DGKH: variants seen among roughly 807,000 people sequenced by gnomAD.
The protein encoded by DGKH is diacylglycerol kinase eta.
Under a neutral mutation model 159.3 loss-of-function variants are expected in DGKH, and 90 were observed. That is an observed-to-expected ratio of 0.57 (90% CI 0.48 to 0.67). The LOEUF (loss-of-function observed/expected upper bound fraction) is 0.67, where lower values mean the gene tolerates loss of function less well. Among genes scored for constraint, DGKH ranks in the 30% least tolerant of loss-of-function variants. The pLI, the probability that DGKH is intolerant of heterozygous loss-of-function variation, is 0.00. For missense variants in DGKH, 1,181 were observed against 1,506.1 expected (o/e 0.78, Z 3.57); for synonymous variants, 536 against 553.8 (o/e 0.97, Z 0.45).
chr13:42,059,833 G>A (rs1396872106), intron 1 of DGKH, among the ~76,000 whole-genome samples: 1 of 151,268 alleles, frequency 6.6e-6, no homozygotes, highest in Admixed American at 6.6e-5. Context: ...TTGCCAATTT[G>A]GATGCTATTG....
At chr13:42,221,186 A>C in intron 28 of DGKH, 78 bp from the exon 29 acceptor site, 1 of 1,565,554 alleles carries the variant, frequency 6.4e-7, no homozygotes, top group Non-Finnish European at 8.7e-7. Context: ...TCTGTTTTGC[A>C]TCTTCTTTGG....
chr13:42,108,104 G>T (rs1295614932), intron 1 of DGKH, among the ~76,000 whole-genome samples: 5 of 152,136 alleles, frequency 3.3e-5, no homozygotes. Flanking sequence ...TTAGTGTTGT[G>T]ACAGGCAGGT....
intron 28 of DGKH, among the ~76,000 whole-genome samples, 160 bp downstream of exon 28, chr13:42,219,954 TA>T (rs1470689801): frequency 3.9e-5 from 6 of 152,196 alleles, no homozygotes; most frequent in Non-Finnish European, 5.9e-5. Context: ...TTAAAATGGT[TA>T]AAATGGGGAA....
intron 1 of DGKH, among the ~76,000 whole-genome samples, chr13:42,074,285 A>G (rs1880850656): frequency 6.6e-6 from 1 of 152,060 alleles, no homozygotes; most frequent in Non-Finnish European, 1.5e-5. Flanking sequence ...TCAGAATATG[A>G]TTTCTGCCAT....
At chr13:42,073,203 T>G (rs1445314814) in intron 1 of DGKH, among the ~76,000 whole-genome samples, 1 of 152,266 alleles carries the variant, frequency 6.6e-6, no homozygotes, top group Non-Finnish European at 1.5e-5. Context: ...AGCAGTGTCC[T>G]GCTCGATATA....
At chr13:42,196,988 T>A (rs976799327) in intron 17 of DGKH, among the ~76,000 whole-genome samples, 1 of 152,084 alleles carries the variant, frequency 6.6e-6, no homozygotes, top group Non-Finnish European at 1.5e-5. Context: ...GCGTGGTGGC[T>A]CACGCCTGTA....
At chr13:42,076,724 T>C (rs1402522282) in intron 1 of DGKH, among the ~76,000 whole-genome samples, 1 of 152,174 alleles carries the variant, frequency 6.6e-6, no homozygotes, top group Non-Finnish European at 1.5e-5. Flanking sequence ...TCCAAGAATA[T>C]ATAAGCAACA....
intron 1 of DGKH, among the ~76,000 whole-genome samples, chr13:42,114,471 C>T (rs575661659): frequency 6.9e-5 from 10 of 144,724 alleles, no homozygotes; most frequent in African/African-American, 2.6e-4. Flanking sequence ...AGCGCCAGGG[C>T]TCCAGTGATG....
intron 10 of DGKH, 38 bp downstream of exon 10, chr13:42,168,586 T>C (rs375239459): frequency 2.0e-5 from 32 of 1,613,742 alleles, no homozygotes; most frequent in African/African-American, 5.3e-5. Context: ...TTAACATGAA[T>C]GCATACTAAC....
intron 5 of DGKH, 86 bp downstream of exon 5, chr13:42,155,885 G>T: frequency 6.6e-7 from 1 of 1,526,686 alleles, no homozygotes; most frequent in South Asian, 1.2e-5. Context: ...GCTTAAAATT[G>T]AGCTCTCCAC....
At chr13:42,114,835 C>T (rs531307709) in intron 1 of DGKH, among the ~76,000 whole-genome samples, 1 of 152,286 alleles carries the variant, frequency 6.6e-6, no homozygotes, top group East Asian at 1.9e-4. Context: ...GCATTAGGCC[C>T]TTGTCCAGGA....
At chr13:42,102,762 C>T (rs941719014) in intron 1 of DGKH, among the ~76,000 whole-genome samples, 1 of 152,084 alleles carries the variant, frequency 6.6e-6, no homozygotes, top group Non-Finnish European at 1.5e-5. Flanking sequence ...GTAGAGGTGA[C>T]CAGAGAACTT....
intron 1 of DGKH, among the ~76,000 whole-genome samples, chr13:42,097,892 T>C (rs967977264): frequency 2.0e-5 from 3 of 152,214 alleles, no homozygotes; most frequent in Non-Finnish European, 4.4e-5. Context: ...AGGTACATGG[T>C]ACTGCCAGTT....
At chr13:42,196,871 T>C (rs1327961678) in intron 17 of DGKH, among the ~76,000 whole-genome samples, 4 of 152,212 alleles carry the variant, frequency 2.6e-5, no homozygotes, top group African/African-American at 9.6e-5. Context: ...CAGGTTTAGA[T>C]GCTGTGTTTC....
chr13:42,087,177 T>C (rs980231937), intron 1 of DGKH, among the ~76,000 whole-genome samples: 2 of 151,704 alleles, frequency 1.3e-5, no homozygotes, highest in African/African-American at 4.8e-5. Context: ...GGCCTCATAA[T>C]ACACAGAGAT....
chr13:42,160,978 C>A (rs1956166791), intron 7 of DGKH, among the ~76,000 whole-genome samples: 1 of 152,062 alleles, frequency 6.6e-6, no homozygotes. Context: ...TTTAGTTAGG[C>A]CTGATAGGTA....
At chr13:42,203,675 G>A (rs1189544613) in intron 20 of DGKH, among the ~76,000 whole-genome samples, 1 of 152,018 alleles carries the variant, frequency 6.6e-6, no homozygotes, top group Non-Finnish European at 1.5e-5. Flanking sequence ...AGAAACATGG[G>A]ATGGCTAGGG....
Position 42,188,989 on chromosome 13 carries a change from C to A in DGKH, c.1639-47C>A, listed in dbSNP as rs377055981. 203 of 1,582,524 alleles carry A rather than the reference C, an allele frequency of 1.3e-4. 1 individual carries two copies. In the African/African-American group the frequency reaches 2.4e-3, roughly 19 times the overall value. Reference sequence around the variant, plus strand: ...AATTTCTTGTACTTTGTCTGCTGATCTTGATTCTTTTTGAGTATTTTTCTC... The same window carrying A: ...AATTTCTTGTACTTTGTCTGCTGATATTGATTCTTTTTGAGTATTTTTCTC... On this transcript the variant is annotated intron_variant, in intron 14 of 29. Coordinates refer to ENST00000337343, the MANE Select transcript of DGKH (RefSeq NM_178009.5).
intron 1 of DGKH, among the ~76,000 whole-genome samples, chr13:42,109,473 C>T (rs1380267452): frequency 6.6e-6 from 1 of 152,082 alleles, no homozygotes; most frequent in Non-Finnish European, 1.5e-5. Context: ...GAAATAAGAA[C>T]AATAAACAGA....
Sources: allele counts gnomAD v4.1 joint callset (sites outside exome capture counted in the v4.1 genomes callset), GRCh38; gene constraint gnomAD v4.1.1; transcripts MANE v1.5; gene names NCBI Gene and HGNC (gene_info 2026-07-23, HGNC 2026-07-21).